GLDC: variants seen among roughly 807,000 people sequenced by gnomAD.
The protein encoded by GLDC is glycine dehydrogenase (decarboxylating), mitochondrial.
GLDC carries 104 observed loss-of-function variants against 121.3 expected under a neutral mutation model. That is an observed-to-expected ratio of 0.86 (90% CI 0.73 to 1.01). GLDC has a LOEUF of 1.01. GLDC is among the 50% of genes least tolerant of loss of function. The pLI is 0.00. For synonymous variants in GLDC, 546 were observed against 480.6 expected (o/e 1.14, Z -1.78); for missense variants, 1,429 against 1,306.6 (o/e 1.09, Z -1.44).
chr9:6,620,063 G>A (rs559069479), intron 3 of GLDC, 121 bp downstream of exon 3: 3 of 946,656 alleles, frequency 3.2e-6, no homozygotes, highest in South Asian at 1.3e-5. Context: ...CCGGACATTG[G>A]AGACAGCACT....
At chr9:6,629,957 A>ATATATATTTTTTT in intron 2 of GLDC, among the ~76,000 whole-genome samples, 95 of 82,824 alleles carry the variant, frequency 1.1e-3, no homozygotes, top group South Asian at 3.9e-3. Context: ...ATATATATAT[A>ATATATATTTTTTT]TTTTTTTTTT....
intron 16 of GLDC, among the ~76,000 whole-genome samples, chr9:6,564,247 CA>C (rs755108263): frequency 2.9e-3 from 339 of 115,018 alleles, no homozygotes; most frequent in Admixed American, 2.9e-3. Flanking sequence ...GACTCCATCT[CA>C]AAAAAAAAAA....
At position 6,556,202 on chromosome 9, in the gene GLDC, T is replaced by C. The variant is rs1284042082; in HGVS notation, c.2153A>G (p.His718Arg). The change falls in exon 18 of 25, where the codon CAT (histidine) becomes CGT (arginine). Residue 718 changes from histidine (H) to arginine (R), a missense_variant. Physicochemically the swap from His to Arg is conservative, Grantham distance 29. Transcript: ENST00000321612. Reference sequence around the variant, plus strand: ...TAGGTAGACCTGTCCTCCATGTTGATGGATGAGGTCACACACGTCACTGAT... The same window carrying C: ...TAGGTAGACCTGTCCTCCATGTTGACGGATGAGGTCACACACGTCACTGAT... ...ENISDVCDLI[H>R]QHGGQVYLDG... 2.5e-6 allele frequency: 4 copies of C among 1,613,450 alleles called. No individual in the cohort carries two copies. The highest frequency in any genetic ancestry group is 3.4e-6 in the Non-Finnish European group (4 of 1,179,406).
chr9:6,616,080 C>T (rs1387063203), intron 3 of GLDC, among the ~76,000 whole-genome samples: 1 of 152,178 alleles, frequency 6.6e-6, no homozygotes, highest in Admixed American at 6.5e-5. Flanking sequence ...ACCACAGGCA[C>T]AAGCCACCAT....
chr9:6,575,557 T>C (rs1233790084), intron 15 of GLDC, among the ~76,000 whole-genome samples: 2 of 152,224 alleles, frequency 1.3e-5, no homozygotes, highest in South Asian at 2.1e-4. Context: ...CTGACAGCCA[T>C]TGAGAGCCCT....
intron 3 of GLDC, among the ~76,000 whole-genome samples, chr9:6,613,963 G>A (rs192860360): frequency 1.3e-5 from 2 of 152,226 alleles, no homozygotes; most frequent in Non-Finnish European, 2.9e-5. Context: ...TTTTAGTTGA[G>A]ATAGGGTTTC....
intron 16 of GLDC, among the ~76,000 whole-genome samples, chr9:6,560,330 A>T (rs1817726500): frequency 6.6e-6 from 1 of 152,264 alleles, no homozygotes; most frequent in African/African-American, 2.4e-5. Flanking sequence ...ACTTAAGAAA[A>T]ATAAACGTGT....
At chr9:6,553,122 T>C (rs577407396) in intron 20 of GLDC, among the ~76,000 whole-genome samples, 1 of 152,254 alleles carries the variant, frequency 6.6e-6, no homozygotes, top group South Asian at 2.1e-4. Context: ...GATGTTTCAG[T>C]TTCTCTGATG....
At chr9:6,553,607 G>C (rs1817559540) in intron 19 of GLDC, 98 bp from the exon 20 acceptor site, 1 of 1,173,204 alleles carries the variant, frequency 8.5e-7, no homozygotes, top group Admixed American at 1.7e-5. Flanking sequence ...GTTCTTAGCA[G>C]AGGAGCTCTG....
intron 22 of GLDC, 120 bp downstream of exon 22, chr9:6,539,931 C>T (rs376788392): frequency 1.2e-5 from 9 of 777,644 alleles, no homozygotes; most frequent in South Asian, 2.8e-5. Context: ...TGCCAAGAAC[C>T]CTGAGCTCCC....
chr9:6,559,728 T>G (rs887576564), intron 16 of GLDC, among the ~76,000 whole-genome samples: 5 of 151,034 alleles, frequency 3.3e-5, no homozygotes, highest in Non-Finnish European at 5.9e-5. Flanking sequence ...GACAGAAGAT[T>G]CGCTTGAATC....
chr9:6,583,948 T>C (rs959095979), intron 15 of GLDC, among the ~76,000 whole-genome samples: 3 of 152,188 alleles, frequency 2.0e-5, no homozygotes, highest in Non-Finnish European at 4.4e-5. Context: ...AGACGGATAA[T>C]GGTGATGGCT....
chr9:6,644,029 CAAAAAAA>C (rs531081758), intron 2 of GLDC, among the ~76,000 whole-genome samples: 5 of 18,338 alleles, frequency 2.7e-4, no homozygotes, highest in Middle Eastern at 0.033. Context: ...GATTCTGTCT[CAAAAAAA>C]AAAAAAAAAA....
At chr9:6,608,615 A>G (rs10975684) in intron 4 of GLDC, among the ~76,000 whole-genome samples, 5,622 of 125,866 alleles carry the variant, frequency 0.045, 269 homozygotes, top group African/African-American at 0.14. Flanking sequence ...GCGTGGTGGC[A>G]GGCACCTGTA....
rs181120829 is a variant in GLDC at position 6,633,052 on chromosome 9, A to G, written c.334+11562T>C. Reference sequence around the variant, plus strand: ...GCTCTTCTGAAATTCACTTTTCCCTAGTACTCAGTCTCAGCCTTCCTGTCT... The same window carrying G: ...GCTCTTCTGAAATTCACTTTTCCCTGGTACTCAGTCTCAGCCTTCCTGTCT... On this transcript the variant is annotated intron_variant, in intron 2 of 24. Coordinates refer to ENST00000321612, the MANE Select transcript of GLDC (RefSeq NM_000170.3). Among the ~76,000 whole-genome samples the G allele has an allele frequency of 5.9e-4, 90 of 151,990 alleles. 2 individuals carry two copies. Among genetic ancestry groups the G allele is most frequent in the Middle Eastern group, 6.8e-3 (2 of 292 alleles).
At position 6,645,371 on chromosome 9, in the gene GLDC, G is replaced by C. The variant is rs776824071; in HGVS notation, c.129C>G (p.Asp43Glu). 1 of 1,533,636 alleles carries C rather than the reference G, an allele frequency of 6.5e-7. No individual in the cohort carries two copies. The highest frequency in any genetic ancestry group is 1.4e-5 in the African/African-American group (1 of 71,044). ...RSRDSSSGGG[D>E]SAAAGASRLL... ...GGCGCGAGGCCCCAGCCGCGGCGCT[G>C]TCCCCGCCGCCACTGCTGCTGTCCC... The change falls in exon 1 of 25, where the codon GAC becomes GAG. Residue 43 changes from aspartate to glutamate, a missense_variant. Transcript: ENST00000321612.
intron 2 of GLDC, among the ~76,000 whole-genome samples, chr9:6,622,413 C>T (rs867882853): frequency 2.0e-5 from 3 of 149,418 alleles, no homozygotes; most frequent in South Asian, 4.3e-4. Flanking sequence ...GACTGGTTTT[C>T]GTATTTTTTT....
At position 6,607,505 on chromosome 9, in the gene GLDC, C is replaced by T. The variant is rs555205934; in HGVS notation, c.636-836G>A. ...GATGAGGCAGGAGAATTGCTTGAACCCGGGAGGCAGAGGTTGCAGTGAGCC... is the reference window on the plus strand; with the variant it reads ...GATGAGGCAGGAGAATTGCTTGAACTCGGGAGGCAGAGGTTGCAGTGAGCC... On this transcript the variant is annotated intron_variant, in intron 4 of 24. Transcript: ENST00000321612. Among the ~76,000 whole-genome samples, 577 of 152,150 alleles carry T rather than the reference C, an allele frequency of 3.8e-3. 5 individuals carry two copies. The highest frequency in any genetic ancestry group is 6.6e-3 in the Non-Finnish European group (448 of 67,998).
intron 23 of GLDC, 94 bp downstream of exon 23, chr9:6,535,970 C>G: frequency 9.6e-7 from 1 of 1,037,410 alleles, no homozygotes; most frequent in East Asian, 2.4e-5. Context: ...AGAGTATCAT[C>G]CTCAGTTGAG....
Sources: gnomAD v4.1 joint callset for allele counts (sites outside exome capture counted in the v4.1 genomes callset) on GRCh38, gnomAD v4.1.1 for gene constraint, MANE v1.5 for transcripts, NCBI Gene and HGNC (gene_info 2026-07-23, HGNC 2026-07-21) for gene names.